Variants in LRRTM4 observed in about 807,000 individuals in gnomAD.
The protein encoded by LRRTM4 is leucine-rich repeat transmembrane neuronal protein 4.
In LRRTM4, 25 loss-of-function variants were observed where a neutral mutation model predicts 47.6. The ratio of observed to expected loss-of-function variants is 0.53; its 90% CI spans 0.38 to 0.73. LRRTM4 has a LOEUF of 0.73. Among genes scored for constraint, LRRTM4 ranks in the 30% least tolerant of loss-of-function variants. LRRTM4 has a pLI of 0.00. For missense variants in LRRTM4, 638 were observed against 713.4 expected (o/e 0.89, Z 1.20); for synonymous variants, 311 against 269.5 (o/e 1.15, Z -1.51).
At chr2:77,515,769 G>C (rs973314744) in intron 3 of LRRTM4, among the ~76,000 whole-genome samples, 3 of 151,868 alleles carry the variant, frequency 2.0e-5, no homozygotes, top group African/African-American at 7.2e-5. Context: ...CCCTCTCTTG[G>C]CTCTATTTTG....
chr2:76,822,106 C>T (rs975290206), intron 3 of LRRTM4, among the ~76,000 whole-genome samples: 4 of 151,462 alleles, frequency 2.6e-5, no homozygotes, highest in South Asian at 2.1e-4. Flanking sequence ...ATTCCAGAGT[C>T]GAACAGAGAT....
At chr2:77,153,407 C>A (rs981867399) in intron 3 of LRRTM4, among the ~76,000 whole-genome samples, 2 of 152,016 alleles carry the variant, frequency 1.3e-5, no homozygotes, top group Admixed American at 6.6e-5. Flanking sequence ...TGCAAAGCTC[C>A]CAAGTTTAAA....
intron 3 of LRRTM4, among the ~76,000 whole-genome samples, chr2:77,136,315 T>C (rs1671940308): frequency 6.6e-6 from 1 of 152,040 alleles, no homozygotes; most frequent in South Asian, 2.1e-4. Flanking sequence ...CTTTTGCTGT[T>C]CAACAATATT....
At chr2:77,245,354 C>T (rs1675403865) in intron 3 of LRRTM4, among the ~76,000 whole-genome samples, 1 of 151,492 alleles carries the variant, frequency 6.6e-6, no homozygotes, top group South Asian at 2.1e-4. Flanking sequence ...TGAGACTATC[C>T]TGGGCAAAAT....
intron 3 of LRRTM4, among the ~76,000 whole-genome samples, chr2:77,351,274 G>GA (rs200800165): frequency 0.072 from 10,304 of 144,096 alleles, 890 homozygotes; most frequent in African/African-American, 0.21. Context: ...AATAAAGTAG[G>GA]AAAAAAAAAA....
chr2:77,481,147 C>A (rs1295926704), intron 3 of LRRTM4, among the ~76,000 whole-genome samples: 5 of 152,136 alleles, frequency 3.3e-5, no homozygotes, highest in Non-Finnish European at 5.9e-5. Context: ...TATTAACTAA[C>A]CTTATAGAAT....
chr2:77,211,956 A>G (rs909707245), intron 3 of LRRTM4, among the ~76,000 whole-genome samples: 1 of 152,044 alleles, frequency 6.6e-6, no homozygotes, highest in African/African-American at 2.4e-5. Context: ...ACTTGATAAT[A>G]AGCTCTTTGT....
intron 3 of LRRTM4, among the ~76,000 whole-genome samples, chr2:76,930,245 G>A (rs750341040): frequency 6.6e-6 from 1 of 151,996 alleles, no homozygotes; most frequent in Non-Finnish European, 1.5e-5. Flanking sequence ...AAGTCTCTTG[G>A]GGGCCCTTTG....
At chr2:77,078,068 A>G (rs1366492041) in intron 3 of LRRTM4, among the ~76,000 whole-genome samples, 1 of 151,954 alleles carries the variant, frequency 6.6e-6, no homozygotes, top group Non-Finnish European at 1.5e-5. Flanking sequence ...CAGTTGATCT[A>G]CTCTTTCTAC....
At chr2:76,779,767 A>C in intron 3 of LRRTM4, among the ~76,000 whole-genome samples, 1 of 152,164 alleles carries the variant, frequency 6.6e-6, no homozygotes, top group Non-Finnish European at 1.5e-5. Context: ...TTACATTTAA[A>C]GATAATATTG....
chr2:77,132,225 C>T (rs13418316), intron 3 of LRRTM4, among the ~76,000 whole-genome samples: 2,299 of 152,238 alleles, frequency 0.015, 63 homozygotes, highest in African/African-American at 0.053. Flanking sequence ...CTGCCACTTA[C>T]GAGTTAGAAC....
chr2:77,075,376 A>T (rs1374395), intron 3 of LRRTM4, among the ~76,000 whole-genome samples: 61,203 of 151,784 alleles, frequency 0.4, 14,366 homozygotes, highest in East Asian at 0.68. Context: ...GTTAATTTTT[A>T]AAAAATTTCT....
chr2:77,279,036 C>T (rs1220684223), intron 3 of LRRTM4, among the ~76,000 whole-genome samples: 1 of 151,948 alleles, frequency 6.6e-6, no homozygotes, highest in Non-Finnish European at 1.5e-5. Flanking sequence ...TTGTTGCTAG[C>T]TACAAGGGCC....
At chr2:77,371,843 A>G (rs1056872168) in intron 3 of LRRTM4, among the ~76,000 whole-genome samples, 22 of 151,908 alleles carry the variant, frequency 1.4e-4, no homozygotes, top group African/African-American at 5.3e-4. Context: ...GGTCATGTCA[A>G]GAACCTTTGA....
intron 3 of LRRTM4, among the ~76,000 whole-genome samples, chr2:77,288,978 C>A (rs1288497488): frequency 6.6e-6 from 1 of 152,170 alleles, no homozygotes; most frequent in East Asian, 1.9e-4. Flanking sequence ...TAGTGAAAAA[C>A]AGTTTGCCCT....
At chr2:76,805,138 T>A (rs1675905435) in intron 3 of LRRTM4, among the ~76,000 whole-genome samples, 2 of 152,314 alleles carry the variant, frequency 1.3e-5, no homozygotes, top group Middle Eastern at 3.4e-3. Context: ...ATCAAGGCCC[T>A]TAACCTCTTT....
At position 76,767,530 on chromosome 2, in the gene LRRTM4, A is replaced by G. The variant is rs532692045; in HGVS notation, c.1552-18614T>C. ...CTTGTGCTCAAATACTATCTCGTGT[A>G]GATACTCTGCCTTCAGAAATAAACC... On this transcript the variant is annotated intron_variant, in intron 3 of 3. Transcript: ENST00000409884. 3.9e-5 allele frequency among the ~76,000 whole-genome samples: 6 copies of G among 152,302 alleles called. No homozygotes were observed. In the South Asian group the frequency reaches 1.0e-3, roughly 26 times the overall value.
At chr2:77,080,097 C>A (rs1318870291) in intron 3 of LRRTM4, among the ~76,000 whole-genome samples, 4 of 151,970 alleles carry the variant, frequency 2.6e-5, no homozygotes, top group Non-Finnish European at 5.9e-5. Flanking sequence ...CTCATTAAAC[C>A]CTTCAATGGT....
chr2:77,121,821 A>C (rs1357650103), intron 3 of LRRTM4, among the ~76,000 whole-genome samples: 1 of 151,898 alleles, frequency 6.6e-6, no homozygotes, highest in African/African-American at 2.4e-5. Flanking sequence ...GAGAAAGATA[A>C]GCAATGATTT....
Sources: allele counts gnomAD v4.1 joint callset (sites outside exome capture counted in the v4.1 genomes callset), GRCh38; gene constraint gnomAD v4.1.1; transcripts MANE v1.5; gene names NCBI Gene and HGNC (gene_info 2026-07-23, HGNC 2026-07-21).